Variants in PPFIBP2 observed in about 807,000 individuals in gnomAD.
The protein encoded by PPFIBP2 is PPFIB scaffold protein 2.
PPFIBP2 carries 118 observed loss-of-function variants against 118.3 expected under a neutral mutation model. That is an observed-to-expected ratio of 1.00 (90% CI 0.86 to 1.16). The LOEUF is 1.16. PPFIBP2 is among the 50% of genes most tolerant of loss of function. The pLI is 0.00. For synonymous variants in PPFIBP2, 414 were observed against 397.4 expected, an observed-to-expected ratio of 1.04 and a Z score of -0.50; for missense variants, 1,195 against 1,073.1, an observed-to-expected ratio of 1.11 and a Z score of -1.59.
At chr11:7,656,608 A>G, downstream of PPFIBP2, 3 of 558,480 alleles carry the variant, frequency 5.4e-6, no homozygotes, top group South Asian at 4.7e-5. Flanking sequence ...CTATAAACTT[A>G]TAGTGCACCT....
At chr11:7,561,967 C>G (rs761709170) in intron 2 of PPFIBP2, among the ~76,000 whole-genome samples, 1 of 152,134 alleles carries the variant, frequency 6.6e-6, no homozygotes, top group Non-Finnish European at 1.5e-5. Context: ...TTCCATGGAC[C>G]TGGGGAGTCG....
downstream of PPFIBP2, among the ~76,000 whole-genome samples, chr11:7,657,511 G>C (rs574728746): frequency 5.8e-4 from 89 of 152,292 alleles, no homozygotes; most frequent in Non-Finnish European, 1.1e-3. Flanking sequence ...CCTTGGAGCA[G>C]CTCAGGCGTA....
At chr11:7,590,567 C>A (rs936037207) in intron 3 of PPFIBP2, among the ~76,000 whole-genome samples, 27 of 152,196 alleles carry the variant, frequency 1.8e-4, no homozygotes, top group African/African-American at 6.3e-4. Flanking sequence ...TCTAGGTCCT[C>A]TAACAGTGCT....
intron 1 of PPFIBP2, among the ~76,000 whole-genome samples, chr11:7,540,875 A>C: frequency 6.6e-6 from 1 of 152,232 alleles, no homozygotes; most frequent in East Asian, 1.9e-4. Context: ...AGGCATGGGC[A>C]TAAAAGCTGG....
chr11:7,604,593 C>T (rs1250904222), intron 5 of PPFIBP2, among the ~76,000 whole-genome samples: 4 of 152,040 alleles, frequency 2.6e-5, no homozygotes, highest in Non-Finnish European at 5.9e-5. Flanking sequence ...CCCATCCACA[C>T]ACACACACCC....
intron 4 of PPFIBP2, among the ~76,000 whole-genome samples, chr11:7,596,877 A>G (rs550764876): frequency 5.9e-5 from 9 of 152,318 alleles, no homozygotes; most frequent in African/African-American, 2.2e-4. Flanking sequence ...CTTCCTGTAA[A>G]TGAGTTTTTA....
rs1854873875 is a variant in PPFIBP2 at position 7,565,561 on chromosome 11, A to G, written c.73A>G (p.Thr25Ala). 4 of 1,614,156 alleles carry G rather than the reference A, an allele frequency of 2.5e-6. No homozygotes were observed. The highest frequency in any genetic ancestry group is 3.4e-6 in the Non-Finnish European group (4 of 1,180,020). The stretch of plus-strand genomic sequence containing the variant: ...CCTCTCTCTCATTGCAGGCACTAAA[A>G]CAGGTGCAGATCTTAGTGATGGTAC... ...QMDGIIAGTKTGADLSDGTCE... is the reference protein window; with the variant it reads ...QMDGIIAGTKAGADLSDGTCE... The change falls in exon 3 of 24, where the codon ACA becomes GCA. Residue 25 changes from threonine (T) to alanine (A), a missense_variant. Physicochemically the swap from Thr to Ala is moderately conservative, Grantham distance 58. Transcript: ENST00000299492.
chr11:7,628,732 A>G (rs1340988306), intron 9 of PPFIBP2, among the ~76,000 whole-genome samples: 1 of 152,246 alleles, frequency 6.6e-6, no homozygotes, highest in South Asian at 2.1e-4. Context: ...GGCAGTATGC[A>G]GTGCCTCAGT....
At chr11:7,611,498 G>A (rs1195577585) in intron 6 of PPFIBP2, among the ~76,000 whole-genome samples, 1 of 152,228 alleles carries the variant, frequency 6.6e-6, no homozygotes, top group Admixed American at 6.5e-5. Context: ...TTGAGAACAT[G>A]TTCATTAATT....
intron 7 of PPFIBP2, 83 bp downstream of exon 7, chr11:7,621,110 A>C: frequency 9.1e-7 from 1 of 1,104,110 alleles, no homozygotes; most frequent in Non-Finnish European, 1.4e-6. Flanking sequence ...GGTTTCCAGT[A>C]GCCTAAGTTT....
rs1450257003 is a variant in PPFIBP2 at position 7,648,551 on chromosome 11, T to C, written c.1797+14T>C. 3 of 1,612,812 alleles carry C rather than the reference T, an allele frequency of 1.9e-6. No homozygotes were observed. Among genetic ancestry groups the C allele is most frequent in the South Asian group, 2.2e-5 (2 of 91,050 alleles). On this transcript the variant is annotated intron_variant, in intron 18 of 23. Coordinates refer to ENST00000299492, the MANE Select transcript of PPFIBP2 (RefSeq NM_003621.5). ...GACATGGAAAAGGTAAGGGCTCAGC[T>C]TGGGGAGAGGAGGCTCCCATTTCTC... is the stretch of plus-strand genomic sequence containing the variant.
intron 11 of PPFIBP2, among the ~76,000 whole-genome samples, chr11:7,632,003 G>C (rs1850824255): frequency 6.6e-6 from 1 of 152,188 alleles, no homozygotes; most frequent in African/African-American, 2.4e-5. Context: ...CTGGAGACAT[G>C]GGACTGTCTT....
At chr11:7,582,417 TTCTGCCATC>T (rs1259925526) in intron 3 of PPFIBP2, among the ~76,000 whole-genome samples, 2 of 152,208 alleles carry the variant, frequency 1.3e-5, no homozygotes, top group Non-Finnish European at 2.9e-5. Flanking sequence ...GAAGCTAGAA[TTCTGCCATC>T]TCTGACATCC....
intron 1 of PPFIBP2, among the ~76,000 whole-genome samples, chr11:7,515,852 A>G (rs1564929432): frequency 6.6e-6 from 1 of 152,146 alleles, no homozygotes; most frequent in African/African-American, 2.4e-5. Context: ...TCCAGTAAAT[A>G]TTTGTGGAGT....
intron 3 of PPFIBP2, among the ~76,000 whole-genome samples, chr11:7,581,444 T>C (rs1857245303): frequency 6.6e-6 from 1 of 152,062 alleles, no homozygotes; most frequent in Admixed American, 6.6e-5. Context: ...TCACTACAGG[T>C]CCCCCATGCA....
the PPFIBP2 span, among the ~76,000 whole-genome samples, chr11:7,663,811 G>C: frequency 6.6e-6 from 1 of 152,228 alleles, no homozygotes; most frequent in South Asian, 2.1e-4. Context: ...CTCCCTGGGC[G>C]TATGACCCTC....
intron 1 of PPFIBP2, among the ~76,000 whole-genome samples, chr11:7,541,556 T>C (rs921376581): frequency 4.6e-5 from 7 of 152,184 alleles, no homozygotes; most frequent in African/African-American, 1.7e-4. Flanking sequence ...CCATTCCTCT[T>C]CTCCCCGGTG....
At position 7,583,358 on chromosome 11, in the gene PPFIBP2, A is replaced by G. The variant is rs1432884803; in HGVS notation, c.280-9774A>G. On this transcript the variant is annotated intron_variant, in intron 3 of 23. Transcript: ENST00000299492. ...TCATGCCGAAGAGACACCAGGCTCTAAAGCCTCCAGGGGAGCTAAGACAGT... is the reference window on the plus strand; with the variant it reads ...TCATGCCGAAGAGACACCAGGCTCTGAAGCCTCCAGGGGAGCTAAGACAGT... 2.0e-5 allele frequency among the ~76,000 whole-genome samples: 3 copies of G among 152,180 alleles called. No individual in the cohort carries two copies. In the South Asian group the frequency reaches 6.2e-4, roughly 32 times the overall value.
chr11:7,555,176 A>G (rs958456848), intron 2 of PPFIBP2, among the ~76,000 whole-genome samples: 1 of 152,170 alleles, frequency 6.6e-6, no homozygotes, highest in Non-Finnish European at 1.5e-5. Context: ...CACTTCTGGC[A>G]GGGGACCAGA....
Sources: allele counts gnomAD v4.1 joint callset (sites outside exome capture counted in the v4.1 genomes callset), GRCh38; gene constraint gnomAD v4.1.1; transcripts MANE v1.5; gene names NCBI Gene and HGNC (gene_info 2026-07-23, HGNC 2026-07-21).